MYH11: variants seen among roughly 807,000 people sequenced by gnomAD.
MYH11 encodes the protein myosin heavy chain 11.
MYH11 carries 80 observed loss-of-function variants against 246.6 expected under a neutral mutation model. That is an observed-to-expected ratio of 0.32 (90% CI 0.27 to 0.39). The LOEUF is 0.39. Among genes scored for constraint, MYH11 ranks in the 10% least tolerant of loss-of-function variants. The pLI is 1.00. For synonymous variants in MYH11, 1,071 were observed against 1,015.5 expected (o/e 1.05, Z -1.04); for missense variants, 2,158 against 2,546.8 (o/e 0.85, Z 3.29).
chr16:15,763,741 T>TCGGCCCCCCCCC, intron 10 of MYH11, 55 bp downstream of exon 10: 1 of 646,858 alleles, frequency 1.5e-6, no homozygotes, highest in Non-Finnish European at 2.9e-6. Context: ...AAATGTCACC[T>TCGGCCCCCCCCC]CCCCCACCCC....
chr16:15,728,801 G>C (rs2040873627), intron 27 of MYH11, among the ~76,000 whole-genome samples: 1 of 152,064 alleles, frequency 6.6e-6, no homozygotes, highest in Non-Finnish European at 1.5e-5. Flanking sequence ...TGAGGAGGCT[G>C]AAGCAGGAGA....
intron 32 of MYH11, 161 bp downstream of exon 32, chr16:15,721,261 T>A: frequency 1.0e-6 from 1 of 986,026 alleles, no homozygotes; most frequent in Non-Finnish European, 1.5e-6. Context: ...ACTGCCATTC[T>A]CAGCCCCTCC....
chr16:15,804,202 T>C (rs1013324968), intron 3 of MYH11, among the ~76,000 whole-genome samples: 15 of 152,190 alleles, frequency 9.9e-5, no homozygotes, highest in African/African-American at 3.4e-4. Context: ...TCCATTGAGG[T>C]AAAATTTACA....
rs147582612 is a variant in MYH11 at position 15,719,273 on chromosome 16, C to A, written c.5118G>T (p.Ala1706=). Residue 1706 remains alanine, a synonymous_variant, in exon 36 of 41, where the codon GCG becomes GCT. Transcript: ENST00000300036. The part of the protein sequence containing the change: ...LAAAERARKQ[A]DLEKEELAEE... ...CTGCCAGTTCCTCCTTCTCGAGGTCCGCTTGTTTGCGAGCCCTCTCAGCGG... is the reference window on the plus strand; with the variant it reads ...CTGCCAGTTCCTCCTTCTCGAGGTCAGCTTGTTTGCGAGCCCTCTCAGCGG... 7.4e-6 allele frequency: 12 copies of A among 1,612,886 alleles called. No homozygotes were observed. The highest frequency in any genetic ancestry group is 6.7e-5 in the Admixed American group (4 of 59,986).
chr16:15,776,012 A>G, intron 8 of MYH11, 66 bp downstream of exon 8: 2 of 1,199,118 alleles, frequency 1.7e-6, no homozygotes, highest in Non-Finnish European at 2.5e-6. Context: ...CCAATCCCTT[A>G]ACCCCGGATT....
chr16:15,760,401 G>T, intron 11 of MYH11, 139 bp downstream of exon 11: 1 of 773,276 alleles, frequency 1.3e-6, no homozygotes. Context: ...TGGGTAGAAA[G>T]ATGGATGGAT....
intron 2 of MYH11, among the ~76,000 whole-genome samples, chr16:15,831,799 C>T (rs538064979): frequency 2.0e-5 from 3 of 151,844 alleles, no homozygotes; most frequent in African/African-American, 4.8e-5. Context: ...ATTAGCTGGG[C>T]GTGGTGGCAT....
intron 40 of MYH11, 21 bp from the exon 41 acceptor site, chr16:15,704,144 C>G (rs896977101): frequency 2.5e-6 from 4 of 1,613,386 alleles, no homozygotes; most frequent in Non-Finnish European, 3.4e-6. Context: ...TAAGAAAACA[C>G]ATTATTTAGC....
At chr16:15,715,338 C>T in intron 38 of MYH11, 66 bp from the exon 39 acceptor site, 2 of 1,518,838 alleles carry the variant, frequency 1.3e-6, no homozygotes, top group Non-Finnish European at 1.8e-6. Context: ...TGGTGTGTCA[C>T]CTGGAGGTGG....
At chr16:15,825,325 G>A (rs758454252) in intron 2 of MYH11, among the ~76,000 whole-genome samples, 3 of 149,016 alleles carry the variant, frequency 2.0e-5, no homozygotes, top group Non-Finnish European at 3.0e-5. Flanking sequence ...AAGGTGGGAG[G>A]ATTGCTTCAG....
At position 15,720,917 on chromosome 16, in the gene MYH11, C is replaced by T. The variant is rs141198584; in HGVS notation, c.4713G>A (p.Ala1571=). Residue 1571 remains alanine, a synonymous_variant, in exon 33 of 41, where the codon GCG becomes GCA. Coordinates refer to ENST00000300036, the MANE Select transcript of MYH11 (RefSeq NM_002474.3). ...AKLRLEVNMQ[A]LKGQFERDLQ... Reference sequence around the variant, plus strand: ...GATCCCTTTCGAACTGGCCCTTGAGCGCCTGCATGTTGACTTCCAGCCGCA... The same window carrying T: ...GATCCCTTTCGAACTGGCCCTTGAGTGCCTGCATGTTGACTTCCAGCCGCA... The T allele has an allele frequency of 8.7e-6, 14 of 1,613,878 alleles. No homozygotes were observed. The highest frequency in any genetic ancestry group is 5.0e-5 in the Admixed American group (3 of 59,968).
At chr16:15,825,643 A>C (rs2043542168) in intron 2 of MYH11, among the ~76,000 whole-genome samples, 2 of 152,148 alleles carry the variant, frequency 1.3e-5, no homozygotes, top group South Asian at 4.1e-4. Context: ...TTTATGTCAT[A>C]TGCACTTTAC....
intron 3 of MYH11, among the ~76,000 whole-genome samples, chr16:15,818,561 A>G (rs2043320543): frequency 6.6e-6 from 1 of 151,928 alleles, no homozygotes; most frequent in Admixed American, 6.6e-5. Context: ...GCACCCCCTG[A>G]GTAGCTGGGA....
intron 3 of MYH11, among the ~76,000 whole-genome samples, chr16:15,822,522 C>T (rs2043441035): frequency 6.6e-6 from 1 of 151,946 alleles, no homozygotes; most frequent in Non-Finnish European, 1.5e-5. Context: ...AAAAACAAAA[C>T]AAAACAAAAC....
At chr16:15,805,113 C>T (rs1234708470) in intron 3 of MYH11, among the ~76,000 whole-genome samples, 2 of 152,188 alleles carry the variant, frequency 1.3e-5, no homozygotes, top group African/African-American at 2.4e-5. Context: ...GGAGACCTTT[C>T]CACTTGACCT....
chr16:15,719,232 C>G lies in MYH11; in HGVS notation c.5159G>C (p.Ser1720Thr). ...TTCAGTTTCCTACCTTCCCGACAGG[C>G]TACTGGCCAGCTCCTCTGCCAGTTC... is the stretch of plus-strand genomic sequence containing the variant. ...KEELAEELAS[S>T]LSGRNALQDE... The change falls in exon 36 of 41, where the codon AGC becomes ACC. Residue 1720 changes from serine (S) to threonine (T), a missense_variant. Physicochemically the swap from Ser to Thr is moderately conservative, Grantham distance 58 (BLOSUM62 1). Transcript: ENST00000300036. The G allele has an allele frequency of 6.2e-7, 1 of 1,613,756 alleles. No individual in the cohort carries two copies. Among genetic ancestry groups the G allele is most frequent in the Non-Finnish European group, 8.5e-7 (1 of 1,180,020 alleles).
chr16:15,710,343 A>T (rs2039709960), intron 40 of MYH11, among the ~76,000 whole-genome samples: 1 of 152,060 alleles, frequency 6.6e-6, no homozygotes, highest in Admixed American at 6.5e-5. Flanking sequence ...CAGTATGGTG[A>T]AACCTTGCCA....
At position 15,741,876 on chromosome 16, in the gene MYH11, G is replaced by T. The variant is rs1177419430; in HGVS notation, c.2536C>A (p.Gln846Lys). 2 of 1,614,216 alleles carry T rather than the reference G, an allele frequency of 1.2e-6. No individual in the cohort carries two copies. Among genetic ancestry groups the T allele is most frequent in the South Asian group, 2.2e-5 (2 of 91,086 alleles). Residue 846 changes from glutamine (Q) to lysine (K), a missense_variant, in exon 21 of 41, where the codon CAG becomes AAG. Around this residue, in one of 11 missense-constraint regions of MYH11, gnomAD observed 90 missense variants for 144.2 expected, o/e 0.62. Coordinates refer to ENST00000300036, the MANE Select transcript of MYH11 (RefSeq NM_002474.3). ...ATCTCCTCCTCCTGCCGTGTCACCTGCAGCAGTGGCTTCACCTGCACACAC... is the reference window on the plus strand; with the variant it reads ...ATCTCCTCCTCCTGCCGTGTCACCTTCAGCAGTGGCTTCACCTGCACACAC... ...RLFTKVKPLLQVTRQEEEMQA... is the reference protein window; with the variant it reads ...RLFTKVKPLLKVTRQEEEMQA...
At chr16:15,847,246 C>CTTTTTTT (rs545966682) in intron 1 of MYH11, among the ~76,000 whole-genome samples, 1 of 112,284 alleles carries the variant, frequency 8.9e-6, no homozygotes, top group African/African-American at 3.2e-5. Context: ...AAGTGGACTT[C>CTTTTTTT]TTTTTTTTTT....
Sources: allele counts gnomAD v4.1 joint callset (sites outside exome capture counted in the v4.1 genomes callset), GRCh38; gene constraint gnomAD v4.1.1; regional missense constraint gnomAD v4.1.1; transcripts MANE v1.5; gene names NCBI Gene and HGNC (gene_info 2026-07-23, HGNC 2026-07-21).